The following PARN variants were observed in gnomAD, a reference collection of about 807,000 sequenced individuals.
PARN encodes poly(A)-specific ribonuclease, also known as poly(A)-specific ribonuclease PARN.
In PARN, 71 loss-of-function variants were observed where a neutral mutation model predicts 102.8. The observed-to-expected ratio is 0.69, with a 90% CI of 0.57 to 0.84. The LOEUF (loss-of-function observed/expected upper bound fraction) is 0.84, where lower values mean the gene tolerates loss of function less well. Ranked by LOEUF, PARN falls within the 40% of genes least tolerant of loss-of-function variation. The pLI is 0.00. For missense variants in PARN, 782 were observed against 760.9 expected, an observed-to-expected ratio of 1.03 and a Z score of -0.33; for synonymous variants, 261 against 252.9, an observed-to-expected ratio of 1.03 and a Z score of -0.30.
intron 21 of PARN, among the ~76,000 whole-genome samples, chr16:14,504,720 G>A (rs537621431): frequency 2.6e-5 from 4 of 152,098 alleles, no homozygotes; most frequent in Non-Finnish European, 5.9e-5. Flanking sequence ...TCTCTCATAG[G>A]TTATACCATT....
chr16:14,609,072 T>C lies in PARN; in HGVS notation c.606A>G (p.Leu202=). ...LQSEENKNLD[L]EPCTGFQRKL... ...GGACAACTAACCCGGTACATGGCTC[T>C]AAATCCAAGTTCTTGTTTTCTTCAC... The change falls in exon 8 of 24, where the codon TTA becomes TTG. Residue 202 remains leucine (L), a synonymous_variant. Coordinates refer to ENST00000437198, the MANE Select transcript of PARN (RefSeq NM_002582.4). 1 of 1,578,040 alleles carries C rather than the reference T, an allele frequency of 6.3e-7. No homozygotes were observed. Among genetic ancestry groups the C allele is most frequent in the Non-Finnish European group, 8.7e-7 (1 of 1,152,306 alleles).
At chr16:14,461,290 T>C (rs1019799262) in intron 22 of PARN, among the ~76,000 whole-genome samples, 1 of 152,180 alleles carries the variant, frequency 6.6e-6, no homozygotes, top group Non-Finnish European at 1.5e-5. Context: ...AAAAAGGACA[T>C]TAGGTAAAAA....
chr16:14,478,812 G>A (rs566506801), intron 22 of PARN, among the ~76,000 whole-genome samples: 7 of 152,188 alleles, frequency 4.6e-5, no homozygotes, highest in African/African-American at 1.7e-4. Context: ...ATGAAGTCTC[G>A]CTCTTGTCCC....
intron 22 of PARN, among the ~76,000 whole-genome samples, chr16:14,451,867 T>TAA (rs1567287329): frequency 4.2e-5 from 1 of 23,744 alleles, no homozygotes; most frequent in Non-Finnish European, 7.5e-5. Context: ...AAAAAAAAAA[T>TAA]ACAAAAAAAA....
intron 6 of PARN, among the ~76,000 whole-genome samples, chr16:14,611,804 G>C (rs1053530372): frequency 2.0e-5 from 3 of 152,156 alleles, no homozygotes; most frequent in Non-Finnish European, 1.5e-5. Context: ...CAAAGTGCTG[G>C]GATTACAGGC....
In PARN at chr16:14,629,616, G is replaced by T; in HGVS notation, c.78C>A (p.Ala26=). The T allele has an allele frequency of 6.2e-7, 1 of 1,613,066 alleles. No individual in the cohort carries two copies. Among genetic ancestry groups the T allele is most frequent in the Non-Finnish European group, 8.5e-7 (1 of 1,178,984 alleles). The change falls in exon 2 of 24, where the codon GCC becomes GCA. Residue 26 remains alanine, a synonymous_variant. Coordinates refer to ENST00000437198, the MANE Select transcript of PARN (RefSeq NM_002582.4). ...YQAIEEADFF[A]IDGEFSGISD... is the part of the protein sequence containing the mutation. Reference sequence around the variant, plus strand: ...GGATACCTGAAAACTCCCCATCGATGGCGAAGAAGTCGGCCTCCTCTATGG... The same window carrying T: ...GGATACCTGAAAACTCCCCATCGATTGCGAAGAAGTCGGCCTCCTCTATGG...
At chr16:14,447,833 A>T (rs1302681978) in intron 22 of PARN, among the ~76,000 whole-genome samples, 2 of 152,192 alleles carry the variant, frequency 1.3e-5, no homozygotes, top group Admixed American at 6.5e-5. Flanking sequence ...AAATAAATTC[A>T]AGGCATTCTA....
At chr16:14,524,454 T>G (rs12448574) in intron 21 of PARN, among the ~76,000 whole-genome samples, 26,270 of 151,904 alleles carry the variant, frequency 0.17, 2,638 homozygotes, top group Middle Eastern at 0.26. Flanking sequence ...GCATTAAGAG[T>G]GTTCGATTTA....
chr16:14,470,609 C>T (rs1223738560), intron 22 of PARN, among the ~76,000 whole-genome samples: 2 of 151,658 alleles, frequency 1.3e-5, no homozygotes, highest in Non-Finnish European at 2.9e-5. Flanking sequence ...CAGGGGCACA[C>T]CAACACACCC....
chr16:14,628,229 G>C lies in PARN; in HGVS notation c.120C>G (p.Val40=), dbSNP rs1312998297. The change falls in exon 3 of 24, where the codon GTC becomes GTG. Residue 40 remains valine, a synonymous_variant. Transcript: ENST00000437198. ...TGTCAAAACCATTTGTTAATGCAGA[G>C]ACTGAAGGTCCATCACTGATTCCTA... ...EFSGISDGPS[V]SALTNGFDTP... The C allele has an allele frequency of 6.2e-7, 1 of 1,603,878 alleles. No homozygotes were observed. The highest frequency in any genetic ancestry group is 8.5e-7 in the Non-Finnish European group (1 of 1,171,552).
chr16:14,616,742 CA>C (rs1377191629), intron 6 of PARN, among the ~76,000 whole-genome samples: 1 of 141,608 alleles, frequency 7.1e-6, no homozygotes, highest in Admixed American at 7.0e-5. Context: ...GACCCTGTCT[CA>C]AAAAAAAAAT....
chr16:14,509,350 C>T (rs1965068529), intron 21 of PARN, among the ~76,000 whole-genome samples: 1 of 152,198 alleles, frequency 6.6e-6, no homozygotes. Flanking sequence ...AAACAGCGCA[C>T]TTAGGAGCTA....
chr16:14,569,168 C>T (rs1037548217), intron 18 of PARN, among the ~76,000 whole-genome samples: 1 of 151,432 alleles, frequency 6.6e-6, no homozygotes, highest in Non-Finnish European at 1.5e-5. Flanking sequence ...GACGAGATCA[C>T]GCCACTGCAC....
At chr16:14,596,359 GATA>G (rs1321488826) in intron 12 of PARN, among the ~76,000 whole-genome samples, 2 of 151,768 alleles carry the variant, frequency 1.3e-5, no homozygotes, top group Non-Finnish European at 2.9e-5. Context: ...AAAAATCCTA[GATA>G]ATAATCTAGT....
intron 22 of PARN, among the ~76,000 whole-genome samples, chr16:14,460,435 T>C (rs116161892): frequency 8.7e-4 from 132 of 152,284 alleles, no homozygotes; most frequent in African/African-American, 2.9e-3. Flanking sequence ...TACAGGATCA[T>C]AAAAACATCT....
intron 6 of PARN, among the ~76,000 whole-genome samples, chr16:14,614,264 GA>G (rs368334204): frequency 8.0e-4 from 113 of 141,500 alleles, no homozygotes; most frequent in Admixed American, 8.5e-4. Flanking sequence ...TCAAAAATGG[GA>G]AAAAAAAAAA....
chr16:14,604,917 G>A (rs944973335), intron 10 of PARN, among the ~76,000 whole-genome samples: 2 of 145,782 alleles, frequency 1.4e-5, no homozygotes, highest in Admixed American at 6.9e-5. Context: ...CACCCAGCCA[G>A]AAGTTGTAAT....
At chr16:14,479,091 C>T (rs1471713736) in intron 22 of PARN, among the ~76,000 whole-genome samples, 1 of 152,076 alleles carries the variant, frequency 6.6e-6, no homozygotes, top group African/African-American at 2.4e-5. Flanking sequence ...TATTTCTATA[C>T]AAAAGGAGCA....
chr16:14,516,972 TC>T (rs1965492840), intron 21 of PARN, among the ~76,000 whole-genome samples: 2 of 152,164 alleles, frequency 1.3e-5, no homozygotes, highest in Admixed American at 6.5e-5. Flanking sequence ...AGGGTATTTT[TC>T]TAAATCAGAC....
Sources: gnomAD v4.1 joint callset for allele counts (sites outside exome capture counted in the v4.1 genomes callset) on GRCh38, gnomAD v4.1.1 for gene constraint, MANE v1.5 for transcripts, NCBI Gene and HGNC (gene_info 2026-07-23, HGNC 2026-07-21) for gene names.